The following P2RY12 variants were observed in gnomAD, a reference collection of about 807,000 sequenced individuals.
P2RY12 encodes purinergic receptor P2Y12, also known as P2Y purinoceptor 12.
In P2RY12, 3 loss-of-function variants were observed where a neutral mutation model predicts 4.5. The ratio of observed to expected loss-of-function variants is 0.67; its 90% CI spans 0.31 to 1.74. The LOEUF (loss-of-function observed/expected upper bound fraction) is 1.74, where lower values mean the gene tolerates loss of function less well. Among genes scored for constraint, P2RY12 ranks in the 40% most tolerant of loss-of-function variants. The probability of loss-of-function intolerance (pLI) is 0.09; values close to 1 mark genes in which losing one functional copy is unlikely to be tolerated. For missense variants in P2RY12, 356 were observed against 407.8 expected, an observed-to-expected ratio of 0.87 and a Z score of 1.09; for synonymous variants, 148 against 154.1, an observed-to-expected ratio of 0.96 and a Z score of 0.29.
In P2RY12 at chr3:151,338,741, C is replaced by G. The variant is rs753397362; in HGVS notation, c.105G>C (p.Leu35=). The change falls in exon 3 of 3, where the codon CTG becomes CTC. Residue 35 remains leucine (L), a synonymous_variant. Coordinates refer to ENST00000302632, the MANE Select transcript of P2RY12 (RefSeq NM_022788.5). ...QVLFPLLYTV[L]FFVGLITNGL... ...CATTTGTGATAAGTCCAACAAAAAA[C>G]AGGACAGTGTAGAGCAGTGGGAAGA... 6.2e-7 allele frequency: 1 copy of G among 1,613,518 alleles called. No homozygotes were observed. Among genetic ancestry groups the G allele is most frequent in the Admixed American group, 1.7e-5 (1 of 59,876 alleles).
rs1755216921 is a variant in P2RY12 at position 151,365,907 on chromosome 3, T to C, written c.-180+18785A>G. On this transcript the variant is annotated intron_variant, in intron 1 of 2. Coordinates refer to ENST00000302632, the MANE Select transcript of P2RY12 (RefSeq NM_022788.5). ...TTACGGCTTGCTGCACTGTTCTTAG[T>C]TCAGAATGGCTGGGGGTTCTGAAGG... 3 of 1,613,834 alleles carry C rather than the reference T, an allele frequency of 1.9e-6. No individual in the cohort carries two copies. In the African/African-American group the frequency reaches 4.0e-5, roughly 22 times the overall value.
chr3:151,367,642 GA>G, intron 1 of P2RY12: 2 of 1,598,176 alleles, frequency 1.3e-6, no homozygotes, highest in Non-Finnish European at 1.7e-6. Context: ...TGTTTTTCTT[GA>G]AGGTGAGTGA....
At chr3:151,363,172 A>G (rs1754834074) in intron 1 of P2RY12, among the ~76,000 whole-genome samples, 1 of 152,160 alleles carries the variant, frequency 6.6e-6, no homozygotes, top group Non-Finnish European at 1.5e-5. Flanking sequence ...AGAGTGGCAC[A>G]TCATAGTGAT....
rs761528306 is a variant in P2RY12 at position 151,338,010 on chromosome 3, A to G, written c.836T>C (p.Val279Ala). The change falls in exon 3 of 3, where the codon GTG (valine) becomes GCG (alanine). Residue 279 changes from valine to alanine, a missense_variant. Transcript: ENST00000302632. ...AGTTAACCACAGAGTGCTCTCTTTC[A>G]CATAGAACAGAGTATTTTCAGCAGT... The part of the protein sequence containing the change: ...DCTAENTLFY[V>A]KESTLWLTSL... 4.6e-5 allele frequency: 75 copies of G among 1,614,154 alleles called. 1 individual carries two copies. In the African/African-American group the frequency reaches 8.1e-4, roughly 17 times the overall value.
At chr3:151,360,762 A>G (rs1049028962) in intron 1 of P2RY12, among the ~76,000 whole-genome samples, 3 of 152,172 alleles carry the variant, frequency 2.0e-5, no homozygotes, top group African/African-American at 4.8e-5. Flanking sequence ...TAAACTGAAT[A>G]TTAAAATAGA....
In P2RY12 at chr3:151,338,080, G is replaced by T; in HGVS notation, c.766C>A (p.Arg256=). The stretch of plus-strand genomic sequence containing the variant: ...GTTTGGCTCAGGGTGTAAGGAATTC[G>T]GGCAAAATGGAAAGGAACAAAACAA... ...FICFVPFHFA[R]IPYTLSQTRD... Residue 256 remains arginine (R), a synonymous_variant, in exon 3 of 3, where the codon CGA becomes AGA. Coordinates refer to ENST00000302632, the MANE Select transcript of P2RY12 (RefSeq NM_022788.5). 1 of 1,613,774 alleles carries T rather than the reference G, an allele frequency of 6.2e-7. No individual in the cohort carries two copies. The highest frequency in any genetic ancestry group is 8.5e-7 in the Non-Finnish European group (1 of 1,179,840).
At chr3:151,363,219 A>G (rs1381001880) in intron 1 of P2RY12, among the ~76,000 whole-genome samples, 2 of 152,196 alleles carry the variant, frequency 1.3e-5, no homozygotes, top group Non-Finnish European at 2.9e-5. Context: ...TGAAAAAATG[A>G]AAGAGAAATA....
intron 1 of P2RY12, among the ~76,000 whole-genome samples, chr3:151,368,676 TGTC>T (rs1453585340): frequency 1.4e-4 from 11 of 76,166 alleles, no homozygotes; most frequent in East Asian, 1.3e-3. Context: ...TTTCATTTCA[TGTC>T]ATTTCATTTT....
At chr3:151,347,448 T>C (rs1305605213) in intron 1 of P2RY12, among the ~76,000 whole-genome samples, 1 of 152,002 alleles carries the variant, frequency 6.6e-6, no homozygotes, top group Non-Finnish European at 1.5e-5. Context: ...ACCTAGAAAA[T>C]AAGTGAATTA....
At chr3:151,366,505 A>C (rs1755290575) in intron 1 of P2RY12, among the ~76,000 whole-genome samples, 1 of 152,212 alleles carries the variant, frequency 6.6e-6, no homozygotes, top group Non-Finnish European at 1.5e-5. Flanking sequence ...GATGATGAAA[A>C]GATACCCCTT....
rs537632242 is a variant in P2RY12 at position 151,339,736 on chromosome 3, G to A, written c.-15+860C>T. Among the ~76,000 whole-genome samples, 6 of 152,194 alleles carry A rather than the reference G, an allele frequency of 3.9e-5. No homozygotes were observed. The East Asian group carries it at 1.2e-3, about 29-fold the overall frequency. On this transcript the variant is annotated intron_variant, in intron 2 of 2. Coordinates refer to ENST00000302632, the MANE Select transcript of P2RY12 (RefSeq NM_022788.5). Reference sequence around the variant, plus strand: ...GGCATACTTTCCAGATTTATGGAGTGTGTAATGGTAGCTAAAATAAAATAT... The same window carrying A: ...GGCATACTTTCCAGATTTATGGAGTATGTAATGGTAGCTAAAATAAAATAT...
chr3:151,382,070 C>G (rs985682368), intron 1 of P2RY12, among the ~76,000 whole-genome samples: 1 of 152,044 alleles, frequency 6.6e-6, no homozygotes, highest in Non-Finnish European at 1.5e-5. Context: ...CAAATTTTTC[C>G]TTTTCCAGCA....
At chr3:151,372,242 C>T (rs916510177) in intron 1 of P2RY12, among the ~76,000 whole-genome samples, 2 of 152,180 alleles carry the variant, frequency 1.3e-5, no homozygotes, top group Non-Finnish European at 2.9e-5. Context: ...TGAATACATT[C>T]ATGCTTGAAA....
chr3:151,365,991 T>C (rs1354557596), intron 1 of P2RY12: 3 of 1,548,422 alleles, frequency 1.9e-6, no homozygotes, highest in South Asian at 1.3e-5. Flanking sequence ...GCACTGTAGA[T>C]GTAAGTTTTC....
intron 2 of P2RY12, among the ~76,000 whole-genome samples, chr3:151,339,452 T>G (rs1403521350): frequency 1.3e-5 from 2 of 150,252 alleles, no homozygotes; most frequent in African/African-American, 4.9e-5. Flanking sequence ...AAAGCTGACC[T>G]TTTTTCTTTA....
chr3:151,348,322 G>A (rs1442790563), intron 1 of P2RY12, among the ~76,000 whole-genome samples: 1 of 113,496 alleles, frequency 8.8e-6, no homozygotes, highest in Non-Finnish European at 1.7e-5. Context: ...GGGTTCATAT[G>A]TACACAAACC....
At chr3:151,359,145 C>T (rs1207065663) in intron 1 of P2RY12, among the ~76,000 whole-genome samples, 3 of 152,054 alleles carry the variant, frequency 2.0e-5, no homozygotes, top group African/African-American at 7.2e-5. Flanking sequence ...ACGTGTACCT[C>T]ATGCTTAGCT....
At chr3:151,374,407 G>A (rs961676797) in intron 1 of P2RY12, among the ~76,000 whole-genome samples, 1 of 152,246 alleles carries the variant, frequency 6.6e-6, no homozygotes, top group East Asian at 1.9e-4. Flanking sequence ...AATTAGCCAG[G>A]TGTGGTGGCA....
rs1751689475 is a variant in P2RY12 at position 151,340,602 on chromosome 3, A to C, written c.-21T>G. ...CTTGTAGAAATAACATTACCTGATA[A>C]CTGTTGATTCTGGAGGGTTTGAATG... On this transcript the variant is annotated 5_prime_UTR_variant, in exon 2 of 3. Coordinates refer to ENST00000302632, the MANE Select transcript of P2RY12 (RefSeq NM_022788.5). The C allele has an allele frequency of 6.6e-6, 1 of 152,596 alleles. No homozygotes were observed. The highest frequency in any genetic ancestry group is 2.1e-4 in the South Asian group (1 of 4,826). The allele number at this position is 152,596 out of a possible 1,614,324, so 9.5% of individuals were successfully genotyped here.
Sources: allele counts gnomAD v4.1 joint callset (sites outside exome capture counted in the v4.1 genomes callset), GRCh38; gene constraint gnomAD v4.1.1; transcripts MANE v1.5; gene names NCBI Gene and HGNC (gene_info 2026-07-23, HGNC 2026-07-21).